COBL: variants seen among roughly 807,000 people sequenced by gnomAD.
COBL encodes cordon-bleu WH2 repeat protein.
A neutral mutation model predicts 98.8 loss-of-function variants in COBL; 51 were observed. The observed-to-expected ratio is 0.52, with a 90% CI of 0.41 to 0.65. The LOEUF is 0.65. Among genes scored for constraint, COBL ranks in the 30% least tolerant of loss-of-function variants. The pLI is 0.00. For missense variants in COBL, 1,617 were observed against 1,617.5 expected (o/e 1.00, Z 0.01); for synonymous variants, 634 against 651.7 (o/e 0.97, Z 0.41).
At chr7:51,220,327 CAT>C (rs1793516121) in intron 1 of COBL, among the ~76,000 whole-genome samples, 1 of 152,146 alleles carries the variant, frequency 6.6e-6, no homozygotes, top group Non-Finnish European at 1.5e-5. Flanking sequence ...CTCACTAACA[CAT>C]GTGACACTTT....
chr7:51,160,697 A>G (rs1018144318), intron 5 of COBL, among the ~76,000 whole-genome samples: 2 of 152,212 alleles, frequency 1.3e-5, no homozygotes, highest in African/African-American at 2.4e-5. Flanking sequence ...TGAATAATTC[A>G]GAATCCAAAT....
At chr7:51,293,832 T>C (rs1350551500) in intron 1 of COBL, among the ~76,000 whole-genome samples, 1 of 152,000 alleles carries the variant, frequency 6.6e-6, no homozygotes, top group African/African-American at 2.4e-5. Flanking sequence ...GGATCATGCA[T>C]AGTGTTCCCA....
chr7:51,142,431 C>A (rs573681379), intron 5 of COBL, among the ~76,000 whole-genome samples: 1 of 143,742 alleles, frequency 7.0e-6, no homozygotes, highest in Non-Finnish European at 1.5e-5. Flanking sequence ...TCACCCAGGC[C>A]GGAGTGCAAT....
chr7:51,288,478 C>A (rs892798269), intron 1 of COBL, among the ~76,000 whole-genome samples: 1 of 148,820 alleles, frequency 6.7e-6, no homozygotes, highest in East Asian at 2.0e-4. Context: ...TGGGGCTGGG[C>A]GTGATGACTC....
At chr7:51,240,440 G>A (rs1310279488) in intron 1 of COBL, among the ~76,000 whole-genome samples, 2 of 152,264 alleles carry the variant, frequency 1.3e-5, no homozygotes, top group African/African-American at 4.8e-5. Flanking sequence ...CATCAGAGCA[G>A]CCACAGCGTG....
intron 4 of COBL, among the ~76,000 whole-genome samples, chr7:51,185,774 G>A (rs1333132342): frequency 6.6e-6 from 1 of 152,214 alleles, no homozygotes; most frequent in Non-Finnish European, 1.5e-5. Flanking sequence ...TTCTTGACCT[G>A]CTAATATATG....
At chr7:51,204,522 T>G (rs1791471783) in intron 2 of COBL, among the ~76,000 whole-genome samples, 1 of 151,542 alleles carries the variant, frequency 6.6e-6, no homozygotes, top group Admixed American at 6.6e-5. Context: ...TTAAAGTTGC[T>G]TATTATAAAA....
In COBL at chr7:51,191,061, G is replaced by A. The variant is rs148212268; in HGVS notation, c.474C>T (p.Val158=). 8.6e-5 allele frequency: 139 copies of A among 1,613,842 alleles called. No homozygotes were observed. The highest frequency in any genetic ancestry group is 1.1e-4 in the East Asian group (5 of 44,880). ...CTTTTTGTGTCCGCAGGTAATTCAC[G>A]ACCAAACGCACAGATTTCTGGAAGA... is the stretch of plus-strand genomic sequence containing the variant. ...PKVPEKSVRL[V]VNYLRTQKAV... is the part of the protein sequence containing the mutation. Residue 158 remains valine, a synonymous_variant, in exon 4 of 13, where the codon GTC becomes GTT. Transcript: ENST00000265136.
chr7:51,076,226 G>A (rs1793060667), intron 7 of COBL, among the ~76,000 whole-genome samples: 1 of 152,214 alleles, frequency 6.6e-6, no homozygotes, highest in Admixed American at 6.5e-5. Flanking sequence ...AGAACTAACT[G>A]CTTCGTTTTG....
intron 5 of COBL, among the ~76,000 whole-genome samples, chr7:51,145,636 C>T (rs1358194929): frequency 6.6e-6 from 1 of 152,156 alleles, no homozygotes; most frequent in African/African-American, 2.4e-5. Flanking sequence ...ACCTCGGCCT[C>T]CCAAAGTGCT....
At chr7:51,221,471 A>G (rs1388137839) in intron 1 of COBL, among the ~76,000 whole-genome samples, 1 of 152,256 alleles carries the variant, frequency 6.6e-6, no homozygotes, top group African/African-American at 2.4e-5. Context: ...TCAATGAAAG[A>G]CAATGTCAAT....
intron 4 of COBL, among the ~76,000 whole-genome samples, chr7:51,184,567 A>C (rs1016758252): frequency 8.5e-5 from 13 of 152,270 alleles, no homozygotes; most frequent in African/African-American, 2.9e-4. Context: ...AAAAGAACCA[A>C]GTAAAATTAA....
rs114118565 is a variant in COBL, at chr7:51,024,980, G to A, written c.3768+129C>T. On this transcript the variant is annotated intron_variant, in intron 12 of 12. Transcript: ENST00000265136. ...CACATGTGAGAGACACAGTGACGCC[G>A]GCTCTCTCTCAACCCACTCCCATGT... is the stretch of plus-strand genomic sequence containing the variant. 1,208 of 1,240,028 alleles carry A rather than the reference G, an allele frequency of 9.7e-4. 7 individuals carry two copies. In the African/African-American group the frequency reaches 0.015, roughly 16 times the overall value. 76.8% of individuals were successfully genotyped at this position (1,240,028 alleles called of 1,614,324 possible). A position where few individuals can be genotyped will look rare whatever the true frequency, so the allele number is the denominator to read the frequency against.
intron 5 of COBL, among the ~76,000 whole-genome samples, chr7:51,178,839 C>T (rs1245239743): frequency 6.6e-6 from 1 of 152,158 alleles, no homozygotes; most frequent in Non-Finnish European, 1.5e-5. Flanking sequence ...CAACTCCCGA[C>T]CTCAGGCGAT....
At chr7:51,172,432 A>C (rs1183327329) in intron 5 of COBL, 1 of 1,272,930 alleles carries the variant, frequency 7.9e-7, no homozygotes, top group Non-Finnish European at 1.0e-6. Context: ...TAGCGGAAGC[A>C]CCTGCTGGGG....
At chr7:51,188,020 C>G (rs1265822973) in intron 4 of COBL, 23 of 1,210,442 alleles carry the variant, frequency 1.9e-5, no homozygotes, top group Non-Finnish European at 2.3e-5. Context: ...AGTCCCTGAC[C>G]CAGGCCTTGG....
intron 1 of COBL, among the ~76,000 whole-genome samples, chr7:51,254,327 G>A (rs747878578): frequency 1.3e-5 from 2 of 152,140 alleles, no homozygotes; most frequent in Non-Finnish European, 2.9e-5. Flanking sequence ...TATGACCTCC[G>A]ATGATTATAC....
At position 51,190,300 on chromosome 7, in the gene COBL, C is replaced by G. The variant is rs1789970217; in HGVS notation, c.685+550G>C. ...CATAGCTCAGTGCAGCTTCAACCTC[C>G]TGGGTTCAACCAATCCTCCAGCCTC... On this transcript the variant is annotated intron_variant, in intron 4 of 12. Coordinates refer to ENST00000265136, the MANE Select transcript of COBL (RefSeq NM_015198.5). 2.0e-5 allele frequency among the ~76,000 whole-genome samples: 3 copies of G among 152,124 alleles called. No homozygotes were observed. In the South Asian group the frequency reaches 6.2e-4, roughly 32 times the overall value.
chr7:51,183,326 TA>T (rs1789170385), intron 5 of COBL, among the ~76,000 whole-genome samples: 1 of 152,218 alleles, frequency 6.6e-6, no homozygotes, highest in Non-Finnish European at 1.5e-5. Context: ...TTGTCTTTTT[TA>T]GTCTTACTTA....
Sources: gnomAD v4.1 joint callset for allele counts (sites outside exome capture counted in the v4.1 genomes callset) on GRCh38, gnomAD v4.1.1 for gene constraint, MANE v1.5 for transcripts, NCBI Gene and HGNC (gene_info 2026-07-23, HGNC 2026-07-21) for gene names.